KLHL13: variants seen among roughly 807,000 people sequenced by gnomAD.
KLHL13 encodes kelch-like protein 13.
KLHL13 carries 10 observed loss-of-function variants against 37.1 expected under a neutral mutation model. The ratio of observed to expected loss-of-function variants is 0.27; its 90% confidence interval spans 0.17 to 0.46. The LOEUF (loss-of-function observed/expected upper bound fraction) is 0.46. Among genes scored for constraint, KLHL13 ranks in the 20% least tolerant of loss-of-function variants. The pLI is 1.00. For synonymous variants in KLHL13, 163 were observed against 181.2 expected (o/e 0.90, Z 0.81); for missense variants, 360 against 509.3 (o/e 0.71, Z 2.82).
At chrX:117,908,357 T>C (rs1930706287) in intron 5 of KLHL13, among the ~76,000 whole-genome samples, 1 of 109,296 alleles carries the variant, frequency 9.1e-6, no homozygotes, top group Admixed American at 1.0e-4. Flanking sequence ...ACCTGTCACC[T>C]ACATTAGGTA....
At chrX:117,902,953 A>G (rs1383322020) in intron 5 of KLHL13, among the ~76,000 whole-genome samples, 1 of 110,840 alleles carries the variant, frequency 9.0e-6, no homozygotes, top group African/African-American at 3.3e-5. Flanking sequence ...GTTCCCTTGA[A>G]GCTTTGGTCC....
At chrX:117,930,322 A>AGGCAGGCAGGCAGGC (rs1569418674) in intron 2 of KLHL13, among the ~76,000 whole-genome samples, 8 of 74,785 alleles carry the variant, frequency 1.1e-4, no homozygotes, top group African/African-American at 4.4e-4. Context: ...GGCAGGCAGG[A>AGGCAGGCAGGCAGGC]AGGCAGGAAG....
At chrX:118,045,223 A>C (rs1330294957) in intron 1 of KLHL13, among the ~76,000 whole-genome samples, 1 of 109,000 alleles carries the variant, frequency 9.2e-6, no homozygotes, top group Non-Finnish European at 1.9e-5. Flanking sequence ...AATACAAAAA[A>C]ATTAGCCGGG....
intron 1 of KLHL13, among the ~76,000 whole-genome samples, chrX:118,115,610 A>G (rs765414614): frequency 8.9e-6 from 1 of 112,459 alleles, no homozygotes; most frequent in Admixed American, 9.4e-5. Context: ...CCAAACCACT[A>G]AAGTCCTCTG....
intron 1 of KLHL13, among the ~76,000 whole-genome samples, chrX:118,034,338 G>A (rs1479666162): frequency 2.1e-5 from 2 of 95,157 alleles, no homozygotes; most frequent in Non-Finnish European, 4.1e-5. Context: ...CACATAGTTG[G>A]AAGTAAAGCT....
At chrX:118,087,305 C>T (rs1270630160) in intron 1 of KLHL13, among the ~76,000 whole-genome samples, 1 of 110,107 alleles carries the variant, frequency 9.1e-6, no homozygotes, top group Non-Finnish European at 1.9e-5. Context: ...TTCCGTACTT[C>T]AATAGCTTTA....
chrX:118,035,329 T>C (rs1478163206), intron 1 of KLHL13, among the ~76,000 whole-genome samples: 2 of 105,415 alleles, frequency 1.9e-5, no homozygotes, highest in Non-Finnish European at 3.8e-5. Context: ...TGAACATTGA[T>C]GCAAAAATCC....
intron 2 of KLHL13, among the ~76,000 whole-genome samples, chrX:117,926,264 T>A: frequency 9.0e-6 from 1 of 111,637 alleles, no homozygotes; most frequent in South Asian, 3.8e-4. Context: ...CCTATGGATT[T>A]CAGACAGAGG....
intron 1 of KLHL13, among the ~76,000 whole-genome samples, chrX:118,027,648 TACAC>T (rs34640779): frequency 0.088 from 9,087 of 103,733 alleles, 646 homozygotes; most frequent in African/African-American, 0.22. Flanking sequence ...TCTCCACACA[TACAC>T]ACACACACAC....
rs905193852 is a variant in KLHL13, at chrX:117,933,574, A to G, written c.240+11860T>C. Among the ~76,000 whole-genome samples the G allele has an allele frequency of 3.6e-5, 4 of 111,941 alleles. No individual in the cohort carries two copies. The Admixed American group carries it at 3.8e-4, about 11-fold the overall frequency. ...ACTACTAGAAGAAAATACAGGATAA[A>G]TGTTCATGAAATTAGGCTGGGCAAG... On this transcript the variant is annotated intron_variant, in intron 2 of 6. Transcript: ENST00000262820.
chrX:117,922,367 A>G (rs1931757608), intron 2 of KLHL13, among the ~76,000 whole-genome samples: 1 of 111,831 alleles, frequency 8.9e-6, no homozygotes, highest in Non-Finnish European at 1.9e-5. Context: ...AGGATAGTCA[A>G]GCATCAGCTG....
intron 5 of KLHL13, among the ~76,000 whole-genome samples, chrX:117,908,125 C>T (rs970810797): frequency 9.3e-6 from 1 of 107,245 alleles, no homozygotes; most frequent in Non-Finnish European, 1.9e-5. Flanking sequence ...TGTGTTCAAG[C>T]AATCCTGCTT....
At chrX:117,969,448 T>C (rs531833345) in intron 1 of KLHL13, among the ~76,000 whole-genome samples, 1 of 111,649 alleles carries the variant, frequency 9.0e-6, no homozygotes, top group Non-Finnish European at 1.9e-5. Context: ...ACAGAGTAAT[T>C]TATATGGTTT....
chrX:118,041,611 T>C (rs929513620), intron 1 of KLHL13, among the ~76,000 whole-genome samples: 1 of 111,806 alleles, frequency 8.9e-6, no homozygotes. Context: ...TTTCTCTGGT[T>C]TTCTCTTGCT....
intron 2 of KLHL13, among the ~76,000 whole-genome samples, chrX:117,923,274 A>C (rs1272812044): frequency 8.9e-6 from 1 of 112,008 alleles, no homozygotes; most frequent in African/African-American, 3.2e-5. Context: ...TTGAATAGCT[A>C]ATGGCAAGTT....
At position 118,000,155 on chromosome X, in the gene KLHL13, T is replaced by C. The variant is rs1321754239; in HGVS notation, c.-55-54580A>G. Among the ~76,000 whole-genome samples, 4 of 111,369 alleles carry C rather than the reference T, an allele frequency of 3.6e-5. No individual in the cohort carries two copies. The East Asian group carries it at 8.5e-4, about 24-fold the overall frequency. On this transcript the variant is annotated intron_variant, in intron 1 of 6. Coordinates refer to the KLHL13 transcript ENST00000371882. ...AACCTAAGTGCACATAGGTATTTACTATTGCCCTTACCCAAAACAGACCAA... is the reference window on the plus strand; with the variant it reads ...AACCTAAGTGCACATAGGTATTTACCATTGCCCTTACCCAAAACAGACCAA...
intron 4 of KLHL13, among the ~76,000 whole-genome samples, chrX:117,913,641 C>A (rs990008860): frequency 9.0e-6 from 1 of 111,224 alleles, no homozygotes; most frequent in Admixed American, 9.5e-5. Context: ...GTCAGGAGAT[C>A]GAGACCATCT....
intron 1 of KLHL13, among the ~76,000 whole-genome samples, chrX:118,103,240 A>T (rs2106680): frequency 0.14 from 15,699 of 111,524 alleles, 1,397 homozygotes; most frequent in African/African-American, 0.33. Flanking sequence ...AAAGGTATGC[A>T]TAGATTTTTT....
chrX:118,109,303 C>G (rs2055382190), intron 1 of KLHL13, among the ~76,000 whole-genome samples: 1 of 111,885 alleles, frequency 8.9e-6, no homozygotes, highest in African/African-American at 3.2e-5. Context: ...TGTCCATTAA[C>G]TTTCCCACAG....
Sources: allele counts gnomAD v4.1 joint callset (sites outside exome capture counted in the v4.1 genomes callset), GRCh38; gene constraint gnomAD v4.1.1; transcripts MANE v1.5; gene names NCBI Gene and HGNC (gene_info 2026-07-23, HGNC 2026-07-21).